Variants in PCDH15 observed in about 807,000 individuals in gnomAD.
PCDH15 encodes the protein protocadherin related 15, also known as protocadherin-15.
PCDH15 carries 129 observed loss-of-function variants against 178.5 expected under a neutral mutation model. That is an observed-to-expected ratio of 0.72 (90% CI 0.63 to 0.84). The LOEUF (loss-of-function observed/expected upper bound fraction) is 0.84. Ranked by LOEUF, PCDH15 falls within the 40% of genes least tolerant of loss-of-function variation. The pLI is 0.00. For missense variants in PCDH15, 2,230 were observed against 2,099.9 expected (o/e 1.06, Z -1.21); for synonymous variants, 800 against 732.0 (o/e 1.09, Z -1.50).
At chr10:54,906,711 G>C (rs527712625) in intron 2 of PCDH15, among the ~76,000 whole-genome samples, 3 of 152,102 alleles carry the variant, frequency 2.0e-5, no homozygotes, top group Non-Finnish European at 4.4e-5. Flanking sequence ...GGTAAGAGAG[G>C]TTCATTTATA....
chr10:54,602,688 T>A (rs1351402541), intron 2 of PCDH15, among the ~76,000 whole-genome samples: 1 of 152,022 alleles, frequency 6.6e-6, no homozygotes, highest in Admixed American at 6.6e-5. Context: ...AGGTATTAAA[T>A]TTGACAAATA....
chr10:55,418,826 T>G (rs1325193098), intron 2 of PCDH15, among the ~76,000 whole-genome samples: 1 of 151,812 alleles, frequency 6.6e-6, no homozygotes, highest in East Asian at 1.9e-4. Context: ...TAAATAAGTA[T>G]TTTTGAAATG....
intron 2 of PCDH15, among the ~76,000 whole-genome samples, chr10:55,071,552 C>T (rs1223492046): frequency 6.6e-6 from 1 of 152,088 alleles, no homozygotes; most frequent in Non-Finnish European, 1.5e-5. Flanking sequence ...GCTAACTATC[C>T]TAAATATATA....
intron 2 of PCDH15, among the ~76,000 whole-genome samples, chr10:55,134,490 A>G (rs1838137440): frequency 6.6e-6 from 1 of 152,130 alleles, no homozygotes; most frequent in African/African-American, 2.4e-5. Flanking sequence ...TATAGAAGAG[A>G]GATATGTGTT....
Position 55,432,710 on chromosome 10 carries a change from G to C in PCDH15, c.-156+194915C>G, listed in dbSNP as rs566940184. On this transcript the variant is annotated intron_variant, in intron 2 of 5. Coordinates refer to the PCDH15 transcript ENST00000613346. Reference sequence around the variant, plus strand: ...TTTCATCATTGTGTAAAGCCATGTGGCGATTACTTGAAGAACTTAAAACAG... The same window carrying C: ...TTTCATCATTGTGTAAAGCCATGTGCCGATTACTTGAAGAACTTAAAACAG... 3.3e-5 allele frequency among the ~76,000 whole-genome samples: 5 copies of C among 152,126 alleles called. No individual in the cohort carries two copies. In the East Asian group the frequency reaches 9.7e-4, roughly 29 times the overall value.
chr10:55,476,434 T>C (rs1338046833), intron 2 of PCDH15, among the ~76,000 whole-genome samples: 1 of 152,034 alleles, frequency 6.6e-6, no homozygotes, highest in Non-Finnish European at 1.5e-5. Context: ...GTTCTTCTGA[T>C]AATGTCATTT....
chr10:54,980,723 A>G (rs1392586996), intron 2 of PCDH15, among the ~76,000 whole-genome samples: 1 of 152,036 alleles, frequency 6.6e-6, no homozygotes, highest in Non-Finnish European at 1.5e-5. Flanking sequence ...ACACTTTTCA[A>G]TCAAATTCAT....
At chr10:54,263,385 C>T (rs1219575522) in intron 8 of PCDH15, among the ~76,000 whole-genome samples, 1 of 152,134 alleles carries the variant, frequency 6.6e-6, no homozygotes, top group Non-Finnish European at 1.5e-5. Flanking sequence ...GTCTTGCCTC[C>T]ATCTCCACTT....
intron 3 of PCDH15, among the ~76,000 whole-genome samples, chr10:54,499,608 A>T (rs1316718162): frequency 2.0e-5 from 3 of 152,164 alleles, no homozygotes; most frequent in Admixed American, 6.6e-5. Flanking sequence ...GAAATAAAAA[A>T]AATTATTTGA....
At position 54,242,453 on chromosome 10, in the gene PCDH15, C is replaced by T. The variant is rs114186003; in HGVS notation, c.877-5522G>A. On this transcript the variant is annotated intron_variant, in intron 8 of 37. Transcript: ENST00000644397. ...ATAAGATTTAACCTATTATATCATCCCTAATGTTAAATGCATACATGATGC... is the reference window on the plus strand; with the variant it reads ...ATAAGATTTAACCTATTATATCATCTCTAATGTTAAATGCATACATGATGC... 3.9e-3 allele frequency among the ~76,000 whole-genome samples: 588 copies of T among 151,500 alleles called. 3 individuals are homozygous for T. Among genetic ancestry groups the T allele is most frequent in the African/African-American group, 0.013 (552 of 41,358 alleles).
intron 1 of PCDH15, among the ~76,000 whole-genome samples, chr10:54,675,241 G>A (rs533590299): frequency 6.6e-6 from 1 of 151,788 alleles, no homozygotes; most frequent in Non-Finnish European, 1.5e-5. Context: ...AATTTTATGG[G>A]CATTCTAATG....
intron 26 of PCDH15, among the ~76,000 whole-genome samples, chr10:53,888,309 T>TATGTATAC (rs59199185): frequency 9.3e-6 from 1 of 107,812 alleles, no homozygotes; most frequent in African/African-American, 3.9e-5. Flanking sequence ...TATATATATA[T>TATGTATAC]GTATATATGT....
intron 21 of PCDH15, among the ~76,000 whole-genome samples, chr10:53,966,765 C>G (rs12253430): frequency 2.0e-5 from 3 of 151,008 alleles, no homozygotes; most frequent in Non-Finnish European, 4.4e-5. Flanking sequence ...TAGATATGAT[C>G]GAAGTATTCT....
At chr10:55,295,363 G>T (rs73252146) in intron 1 of PCDH15, among the ~76,000 whole-genome samples, 2,036 of 152,286 alleles carry the variant, frequency 0.013, 56 homozygotes, top group African/African-American at 0.047. Context: ...TCAGCCTTGC[G>T]CACTTCCACA....
chr10:55,444,053 A>G (rs537074952), intron 2 of PCDH15, among the ~76,000 whole-genome samples: 102 of 150,120 alleles, frequency 6.8e-4, no homozygotes, highest in Non-Finnish European at 1.1e-3. Flanking sequence ...CAAACACCAT[A>G]TGTCCTCACT....
intron 3 of PCDH15, among the ~76,000 whole-genome samples, chr10:54,501,510 G>A (rs2080686370): frequency 6.6e-6 from 1 of 152,030 alleles, no homozygotes; most frequent in Admixed American, 6.6e-5. Flanking sequence ...CAACAACTTT[G>A]AAAAGAATTT....
chr10:54,533,716 C>T (rs1827530541), intron 2 of PCDH15, among the ~76,000 whole-genome samples: 1 of 152,094 alleles, frequency 6.6e-6, no homozygotes, highest in Non-Finnish European at 1.5e-5. Flanking sequence ...TCTGTGGCAC[C>T]TAGTAGAGTA....
chr10:55,598,406 G>C (rs187160851), intron 2 of PCDH15, among the ~76,000 whole-genome samples: 1 of 150,454 alleles, frequency 6.6e-6, no homozygotes, highest in Non-Finnish European at 1.5e-5. Flanking sequence ...AGGACTTGGC[G>C]GTGCTTTATA....
At chr10:54,562,880 C>A (rs2088413001) in intron 2 of PCDH15, among the ~76,000 whole-genome samples, 3 of 152,082 alleles carry the variant, frequency 2.0e-5, no homozygotes, top group Non-Finnish European at 1.5e-5. Flanking sequence ...ATTATACCCA[C>A]CTCTCTATTT....
Sources: allele counts gnomAD v4.1 joint callset (sites outside exome capture counted in the v4.1 genomes callset), GRCh38; gene constraint gnomAD v4.1.1; transcripts MANE v1.5; gene names NCBI Gene and HGNC (gene_info 2026-07-23, HGNC 2026-07-21).